The following NRL variants were observed in gnomAD, a reference collection of about 807,000 sequenced individuals.
NRL encodes neural retina-specific leucine zipper protein.
A neutral mutation model predicts 12.5 loss-of-function variants in NRL; 16 were observed. The ratio of observed to expected loss-of-function variants is 1.28; its 90% CI spans 0.87 to 1.95. NRL has a LOEUF of 1.95. Among genes scored for constraint, NRL ranks in the 30% most tolerant of loss-of-function variants. NRL has a pLI of 0.00. For missense variants in NRL, 314 were observed against 325.8 expected, an observed-to-expected ratio of 0.96 and a Z score of 0.28; for synonymous variants, 142 against 150.9, an observed-to-expected ratio of 0.94 and a Z score of 0.43.
chr14:24,090,455 T>C (rs1256507845), intron 1 of NRL, among the ~76,000 whole-genome samples: 1 of 152,136 alleles, frequency 6.6e-6, no homozygotes, highest in Non-Finnish European at 1.5e-5. Context: ...CAACCATTCA[T>C]TGGATACATA....
At chr14:24,090,550 C>CTAT (rs979092382) in intron 1 of NRL, among the ~76,000 whole-genome samples, 7 of 152,200 alleles carry the variant, frequency 4.6e-5, no homozygotes, top group African/African-American at 1.7e-4. Flanking sequence ...CAGCTGTGAG[C>CTAT]TATCAGCAGC....
chr14:24,086,962 G>A (rs2036481075), intron 1 of NRL, among the ~76,000 whole-genome samples: 2 of 152,198 alleles, frequency 1.3e-5, no homozygotes, highest in African/African-American at 4.8e-5. Flanking sequence ...CCAGAAAGCA[G>A]AGCCCATCTC....
At chr14:24,104,000 C>G in intron 1 of NRL, 8 of 1,495,840 alleles carry the variant, frequency 5.3e-6, no homozygotes, top group Non-Finnish European at 7.4e-6. Flanking sequence ...ACATAGCACC[C>G]TCATCTGGGA....
rs1306367060 is a variant in NRL, at chr14:24,094,042, CA to C, written c.-27-11168del. On this transcript the variant is annotated intron_variant, in intron 1 of 2. Coordinates refer to ENST00000561028, the MANE Select transcript of NRL (RefSeq NM_001354768.3). This position sits in a 1 kb window ranked among gnomAD's most constrained non-coding sequence, Gnocchi z 4.1. The stretch of plus-strand genomic sequence containing the variant: ...GGAGCAAGAGTCCTCAAAGTTACAT[CA>C]TGTGCGGCTGGGAGGGCGGTGGCGG... The C allele has an allele frequency of 9.3e-6, 5 of 538,928 alleles. No individual in the cohort carries two copies. In the East Asian group the frequency reaches 1.7e-4, roughly 19 times the overall value. 33.4% of individuals were successfully genotyped at this position (538,928 alleles called of 1,614,324 possible). A position where few individuals can be genotyped will look rare whatever the true frequency, so the allele number is the denominator to read the frequency against.
Position 24,081,626 on chromosome 14 carries a change from G to A in NRL, c.382-58C>T, listed in dbSNP as rs1700849458. ...GCCAGGTCGCACCCGGCTCTGCCCTGAGGGCCCGACGCTACCTGGCTCCGC... is the reference window on the plus strand; with the variant it reads ...GCCAGGTCGCACCCGGCTCTGCCCTAAGGGCCCGACGCTACCTGGCTCCGC... On this transcript the variant is annotated intron_variant, in intron 2 of 2. Transcript: ENST00000561028. The surrounding 1 kb of genome is among the most constrained non-coding windows in gnomAD (Gnocchi z 4.4). 6.5e-7 allele frequency: 1 copy of A among 1,545,458 alleles called. No individual in the cohort carries two copies. Among genetic ancestry groups the A allele is most frequent in the Admixed American group, 2.0e-5 (1 of 51,156 alleles).
intron 1 of NRL, among the ~76,000 whole-genome samples, chr14:24,106,873 G>A (rs896503868): frequency 1.4e-4 from 22 of 152,278 alleles, no homozygotes; most frequent in African/African-American, 4.8e-4. Flanking sequence ...TTGAGCCAGA[G>A]GTGCCTCTCA....
In NRL at chr14:24,085,985, G is replaced by A. The variant is rs1413642158; in HGVS notation, c.-27-3110C>T. Among the ~76,000 whole-genome samples the A allele has an allele frequency of 6.6e-6, 1 of 152,254 alleles. No individual in the cohort carries two copies. The highest frequency in any genetic ancestry group is 1.5e-5 in the Non-Finnish European group (1 of 68,050). On this transcript the variant is annotated intron_variant, in intron 1 of 2. Transcript: ENST00000561028. This position sits in a 1 kb window ranked among gnomAD's most constrained non-coding sequence, Gnocchi z 4.1. ...TAATCCCAGCATTTTGGGAGGCCAA[G>A]GTGGGCGGATCACTTGAGGTCAGGA... is the stretch of plus-strand genomic sequence containing the variant.
At chr14:24,083,180 C>T (rs1347922738) in intron 1 of NRL, among the ~76,000 whole-genome samples, 1 of 152,228 alleles carries the variant, frequency 6.6e-6, no homozygotes, top group Non-Finnish European at 1.5e-5. Context: ...GCTCCCAACC[C>T]TAGTGCTGAG....
chr14:24,099,781 C>T (rs2138959025), intron 1 of NRL: 1 of 1,537,142 alleles, frequency 6.5e-7, no homozygotes. Context: ...GGGGTCTCCT[C>T]TCTAGTGTTC....
intron 1 of NRL, chr14:24,103,228 G>A: frequency 6.2e-7 from 1 of 1,613,994 alleles, no homozygotes; most frequent in Non-Finnish European, 8.5e-7. Context: ...CATGCGCTCT[G>A]AGTCCACTGC....
chr14:24,105,401 T>C (rs1223764159), intron 1 of NRL, among the ~76,000 whole-genome samples: 1 of 152,246 alleles, frequency 6.6e-6, no homozygotes, highest in Non-Finnish European at 1.5e-5. Context: ...TATGGCCAGA[T>C]TTTGGGGGCC....
At chr14:24,095,114 T>A (rs1281132033) in intron 1 of NRL, 10 of 456,012 alleles carry the variant, frequency 2.2e-5, no homozygotes, top group Non-Finnish European at 4.4e-5. Flanking sequence ...CTTAGTCTCC[T>A]ATTTATTCTC....
intron 1 of NRL, chr14:24,103,920 T>C: frequency 1.2e-6 from 2 of 1,614,058 alleles, no homozygotes; most frequent in Middle Eastern, 3.3e-4. Flanking sequence ...CAAAGAGGTG[T>C]TGGCTGAGCT....
Position 24,082,783 on chromosome 14 carries a change from C to G in NRL, c.66G>C (p.Glu22Asp). ...YVNDFDLMKF[E>D]VKREPSEGRP... ...GGCCCTCAGAGGGTTCCCGCTTTACCTCAAACTTCATCAAGTCAAAGTCAT... is the reference window on the plus strand; with the variant it reads ...GGCCCTCAGAGGGTTCCCGCTTTACGTCAAACTTCATCAAGTCAAAGTCAT... The change falls in exon 2 of 3, where the codon GAG (glutamate) becomes GAC (aspartate). Residue 22 changes from glutamate to aspartate, a missense_variant. Coordinates refer to ENST00000561028, the MANE Select transcript of NRL (RefSeq NM_001354768.3). 1 of 1,614,164 alleles carries G rather than the reference C, an allele frequency of 6.2e-7. No homozygotes were observed.
chr14:24,083,282 A>G (rs906823483), intron 1 of NRL, among the ~76,000 whole-genome samples: 2 of 152,226 alleles, frequency 1.3e-5, no homozygotes, highest in Non-Finnish European at 2.9e-5. Context: ...AAGTGAGTGT[A>G]TATTTTAGGA....
intron 1 of NRL, 71 bp downstream of exon 1, chr14:24,114,651 A>T (rs1300961162): frequency 3.2e-5 from 31 of 983,432 alleles, no homozygotes; most frequent in Non-Finnish European, 3.7e-5. Context: ...CCTCCCCAGC[A>T]AGAGCTAACA....
intron 1 of NRL, chr14:24,096,970 T>C (rs951019715): frequency 2.5e-6 from 4 of 1,613,548 alleles, no homozygotes; most frequent in Non-Finnish European, 2.5e-6. Flanking sequence ...TTAGTGGAGA[T>C]CTGGGCCAGC....
At chr14:24,092,754 A>C (rs979688118) in intron 1 of NRL, among the ~76,000 whole-genome samples, 1 of 152,244 alleles carries the variant, frequency 6.6e-6, no homozygotes, top group Non-Finnish European at 1.5e-5. Context: ...TCTGAGAATC[A>C]AGACTGTTTC....
chr14:24,082,843 G>A lies in NRL; in HGVS notation c.6C>T (p.Ala2=). The A allele has an allele frequency of 6.2e-7, 1 of 1,611,740 alleles. No individual in the cohort carries two copies. Among genetic ancestry groups the A allele is most frequent in the East Asian group, 2.2e-5 (1 of 44,830 alleles). The change falls in exon 2 of 3, where the codon GCC becomes GCT. Residue 2 remains alanine, a synonymous_variant. Transcript: ENST00000561028. ...CCATGGCCAGGGGGCTGGGGGGCAG[G>A]GCCATTCTGGAGCTGGGCTGGGAGG... The part of the protein sequence containing the change: M[A]LPPSPLAMEY...
Sources: gnomAD v4.1 joint callset for allele counts (sites outside exome capture counted in the v4.1 genomes callset) on GRCh38, gnomAD v4.1.1 for gene constraint, Gnocchi (gnomAD v3.1) non-coding constraint, MANE v1.5 for transcripts, NCBI Gene and HGNC (gene_info 2026-07-23, HGNC 2026-07-21) for gene names.